The following PLCB1 variants were observed in gnomAD, a reference collection of about 807,000 sequenced individuals.
PLCB1 encodes the protein 1-phosphatidylinositol 4,5-bisphosphate phosphodiesterase beta-1.
A neutral mutation model predicts 161.8 loss-of-function variants in PLCB1; 46 were observed. That is an observed-to-expected ratio of 0.28 (90% CI 0.22 to 0.36). The LOEUF (loss-of-function observed/expected upper bound fraction) is 0.36, where lower values mean the gene tolerates loss of function less well. Among genes scored for constraint, PLCB1 ranks in the 10% least tolerant of loss-of-function variants. The pLI, the probability that PLCB1 is intolerant of heterozygous loss-of-function variation, is 1.00. For synonymous variants in PLCB1, 517 were observed against 503.7 expected, an observed-to-expected ratio of 1.03 and a Z score of -0.35; for missense variants, 1,016 against 1,472.5, an observed-to-expected ratio of 0.69 and a Z score of 5.07.
At chr20:8,660,991 T>C (rs1670708594) in intron 9 of PLCB1, among the ~76,000 whole-genome samples, 1 of 152,206 alleles carries the variant, frequency 6.6e-6, no homozygotes, top group Non-Finnish European at 1.5e-5. Context: ...GAATTCTTGA[T>C]ACGCTTTTCA....
intron 3 of PLCB1, among the ~76,000 whole-genome samples, chr20:8,596,124 T>C (rs1487559621): frequency 6.6e-6 from 1 of 151,364 alleles, no homozygotes; most frequent in East Asian, 1.9e-4. Context: ...CATTTGTCAA[T>C]TTTGTCTTTT....
chr20:8,485,324 A>G (rs767187808), intron 3 of PLCB1, among the ~76,000 whole-genome samples: 2 of 152,226 alleles, frequency 1.3e-5, no homozygotes, highest in African/African-American at 2.4e-5. Flanking sequence ...AACAAAAGAG[A>G]TATTTAATAA....
intron 3 of PLCB1, among the ~76,000 whole-genome samples, chr20:8,622,353 A>C (rs1041295348): frequency 6.6e-6 from 1 of 152,148 alleles, no homozygotes; most frequent in Non-Finnish European, 1.5e-5. Context: ...TTGAGATAAC[A>C]TTTCCTTATT....
chr20:8,200,602 G>A (rs748035005), intron 2 of PLCB1, among the ~76,000 whole-genome samples: 1 of 151,984 alleles, frequency 6.6e-6, no homozygotes, highest in Non-Finnish European at 1.5e-5. Context: ...TAGTAACCCA[G>A]TAACCTTGCT....
chr20:8,883,779 G>T lies in PLCB1; in HGVS notation c.*1930G>T, dbSNP rs763981676. 4.7e-5 allele frequency: 7 copies of T among 150,432 alleles called. No individual in the cohort carries two copies. The highest frequency in any genetic ancestry group is 1.0e-4 in the Non-Finnish European group (7 of 67,488). 9.3% of individuals were successfully genotyped at this position (150,432 alleles called of 1,614,324 possible). A position where few individuals can be genotyped will look rare whatever the true frequency, so the allele number is the denominator to read the frequency against. On this transcript the variant is annotated 3_prime_UTR_variant, in exon 32 of 32. Coordinates refer to ENST00000338037, the MANE Select transcript of PLCB1 (RefSeq NM_015192.4). ...TATATTTTGATCTGAAGGGTTTGGG[G>T]TGTTCATTAGACACTTAATAAAACT... is the stretch of plus-strand genomic sequence containing the variant.
chr20:8,529,597 C>T (rs1256529500), intron 3 of PLCB1, among the ~76,000 whole-genome samples: 3 of 151,026 alleles, frequency 2.0e-5, no homozygotes, highest in Non-Finnish European at 3.0e-5. Context: ...AGTTGTGTTG[C>T]TGGTCATTTT....
intron 31 of PLCB1, among the ~76,000 whole-genome samples, chr20:8,801,650 C>A (rs370360567): frequency 3.3e-5 from 5 of 152,142 alleles, no homozygotes; most frequent in African/African-American, 1.2e-4. Flanking sequence ...TGGCTCTTTG[C>A]GGGGAGAAAA....
At chr20:8,323,484 G>T (rs1437699701) in intron 2 of PLCB1, among the ~76,000 whole-genome samples, 1 of 152,072 alleles carries the variant, frequency 6.6e-6, no homozygotes, top group Admixed American at 6.6e-5. Context: ...CTTGTCTAGG[G>T]AGACCCAAAC....
At chr20:8,691,750 TTGTTG>T (rs888754014) in intron 10 of PLCB1, among the ~76,000 whole-genome samples, 2 of 152,312 alleles carry the variant, frequency 1.3e-5, no homozygotes, top group Non-Finnish European at 2.9e-5. Context: ...TATTGCCCCT[TTGTTG>T]AATATCAAGA....
intron 2 of PLCB1, among the ~76,000 whole-genome samples, chr20:8,196,604 G>A (rs1440045629): frequency 6.6e-6 from 1 of 151,062 alleles, no homozygotes; most frequent in East Asian, 1.9e-4. Context: ...TTCTTTGATG[G>A]TCAAGTACTC....
At chr20:8,421,285 T>C (rs1453235377) in intron 3 of PLCB1, among the ~76,000 whole-genome samples, 3 of 152,230 alleles carry the variant, frequency 2.0e-5, no homozygotes, top group Non-Finnish European at 4.4e-5. Context: ...CCGAGAAAAT[T>C]TGTGGAAACT....
rs541545520 is a variant in PLCB1, at chr20:8,728,055, T to C, written c.1763+662T>C. On this transcript the variant is annotated intron_variant, in intron 17 of 31. Coordinates refer to ENST00000338037, the MANE Select transcript of PLCB1 (RefSeq NM_015192.4). ...GAATAAAGTTAACCTTTAAAATTCATCAGTGGAAGAAGAAACAAATGTTGA... is the reference window on the plus strand; with the variant it reads ...GAATAAAGTTAACCTTTAAAATTCACCAGTGGAAGAAGAAACAAATGTTGA... Among the ~76,000 whole-genome samples the C allele has an allele frequency of 2.0e-5, 3 of 152,226 alleles. No individual in the cohort carries two copies. The East Asian group carries it at 5.8e-4, about 29-fold the overall frequency.
chr20:8,690,339 G>A (rs1031250486), intron 10 of PLCB1, among the ~76,000 whole-genome samples: 5 of 152,008 alleles, frequency 3.3e-5, no homozygotes, highest in Admixed American at 3.3e-4. Context: ...CAGAAGGATG[G>A]GACATATTTC....
At position 8,789,284 on chromosome 20, in the gene PLCB1, C is replaced by T. The variant is rs143075526; in HGVS notation, c.3279-234C>T. The stretch of plus-strand genomic sequence containing the variant: ...TTTCCAGCTACTCAGAAGGCTGAGG[C>T]TGGAGGATGGCTTCAGCATGGGAGG... On this transcript the variant is annotated intron_variant, in intron 29 of 31. Coordinates refer to ENST00000338037, the MANE Select transcript of PLCB1 (RefSeq NM_015192.4). 4.3e-3 allele frequency among the ~76,000 whole-genome samples: 650 copies of T among 152,282 alleles called. 5 individuals carry two copies. The highest frequency in any genetic ancestry group is 0.015 in the African/African-American group (609 of 41,566).
intron 31 of PLCB1, among the ~76,000 whole-genome samples, chr20:8,849,062 A>C (rs1210462628): frequency 6.6e-6 from 1 of 152,176 alleles, no homozygotes; most frequent in Admixed American, 6.5e-5. Context: ...GGCTTTCAGA[A>C]CAAGAGAGGG....
In PLCB1 at chr20:8,572,689, C is replaced by T. The variant is rs543781632; in HGVS notation, c.247-55605C>T. ...CTGCTTATGTGCATTCTCCATTGTT[C>T]GATCAGACTTCAGTTACAAAACACA... On this transcript the variant is annotated intron_variant, in intron 3 of 31. Transcript: ENST00000338037. 4.6e-5 allele frequency among the ~76,000 whole-genome samples: 7 copies of T among 152,252 alleles called. No homozygotes were observed. In the South Asian group the frequency reaches 1.2e-3, roughly 27 times the overall value.
intron 31 of PLCB1, among the ~76,000 whole-genome samples, chr20:8,834,786 G>T (rs1297628192): frequency 8.1e-6 from 1 of 122,964 alleles, no homozygotes; most frequent in African/African-American, 3.1e-5. Flanking sequence ...CTGCACTCCA[G>T]CCTGGGCGAT....
At chr20:8,667,867 T>C (rs1232437518) in intron 9 of PLCB1, among the ~76,000 whole-genome samples, 2 of 152,128 alleles carry the variant, frequency 1.3e-5, no homozygotes, top group Non-Finnish European at 2.9e-5. Context: ...GAATGGCTTC[T>C]TTCCCCCTAG....
At chr20:8,876,568 G>T (rs118088268) in intron 31 of PLCB1, among the ~76,000 whole-genome samples, 1 of 152,076 alleles carries the variant, frequency 6.6e-6, no homozygotes, top group African/African-American at 2.4e-5. Flanking sequence ...CCATAATACT[G>T]CTGCCTAACA....
Sources: gnomAD v4.1 joint callset for allele counts (sites outside exome capture counted in the v4.1 genomes callset) on GRCh38, gnomAD v4.1.1 for gene constraint, MANE v1.5 for transcripts, NCBI Gene and HGNC (gene_info 2026-07-23, HGNC 2026-07-21) for gene names.